Variants in RCSD1 observed in about 807,000 individuals in gnomAD.
RCSD1 encodes the protein capZ-interacting protein.
RCSD1 carries 26 observed loss-of-function variants against 42.5 expected under a neutral mutation model. The observed-to-expected ratio is 0.61, with a 90% CI of 0.45 to 0.85. RCSD1 has a LOEUF of 0.85. Among genes scored for constraint, RCSD1 ranks in the 40% least tolerant of loss-of-function variants. The pLI is 0.00. For synonymous variants in RCSD1, 220 were observed against 212.2 expected (o/e 1.04, Z -0.32); for missense variants, 571 against 528.3 (o/e 1.08, Z -0.79).
chr1:167,697,890 T>C, intron 6 of RCSD1, 48 bp downstream of exon 6: 8 of 1,440,950 alleles, frequency 5.6e-6, no homozygotes, highest in Non-Finnish European at 7.3e-6. Context: ...CCAGGGCCAG[T>C]GTGTGCCTCT....
chr1:167,658,890 TG>T (rs1032073217), intron 1 of RCSD1, among the ~76,000 whole-genome samples: 7 of 152,146 alleles, frequency 4.6e-5, no homozygotes, highest in African/African-American at 1.7e-4. Flanking sequence ...TTTATGTCTA[TG>T]GGGTAGATTC....
intron 1 of RCSD1, among the ~76,000 whole-genome samples, chr1:167,634,766 C>A (rs1657792767): frequency 6.6e-6 from 1 of 152,090 alleles, no homozygotes; most frequent in African/African-American, 2.4e-5. Flanking sequence ...TAAATGAATC[C>A]TTTTCTCTGG....
intron 2 of RCSD1, 63 bp downstream of exon 2, chr1:167,684,064 C>G: frequency 7.2e-7 from 1 of 1,379,330 alleles, no homozygotes; most frequent in South Asian, 1.2e-5. Flanking sequence ...GAAATCTGGT[C>G]AGGCCCAGCG....
rs757806529 is a variant in RCSD1, at chr1:167,697,408, G to T, written c.784G>T (p.Glu262Ter). 7 of 1,613,226 alleles carry T rather than the reference G, an allele frequency of 4.3e-6. No individual in the cohort carries two copies. Among genetic ancestry groups the T allele is most frequent in the Non-Finnish European group, 5.9e-6 (7 of 1,179,678 alleles). Residue 262 changes from glutamate (E) to a stop codon, truncating the protein, a stop_gained, in exon 6 of 7, where the codon GAA (glutamate) becomes TAA (stop). Coordinates refer to ENST00000367854, the MANE Select transcript of RCSD1 (RefSeq NM_052862.4). LOFTEE classifies it high-confidence loss of function. ...GGCCACAGAGGAAGCCAAGAACGGTGAAAAGGCCAGGCGGAGTTCAGAGGA... is the reference window on the plus strand; with the variant it reads ...GGCCACAGAGGAAGCCAAGAACGGTTAAAAGGCCAGGCGGAGTTCAGAGGA... ...DRATEEAKNG[E>*]KARRSSEEVD...
At chr1:167,677,408 G>A (rs956851022) in intron 1 of RCSD1, among the ~76,000 whole-genome samples, 2 of 152,220 alleles carry the variant, frequency 1.3e-5, no homozygotes, top group South Asian at 2.1e-4. Context: ...TCTGAGACAG[G>A]TCTTTATTCA....
chr1:167,703,879 C>T (rs967049278), intron 6 of RCSD1, among the ~76,000 whole-genome samples: 3 of 152,166 alleles, frequency 2.0e-5, no homozygotes, highest in African/African-American at 7.2e-5. Context: ...CCAGCCCTCA[C>T]TGGTACCTGG....
intron 1 of RCSD1, among the ~76,000 whole-genome samples, chr1:167,682,249 A>G (rs931308545): frequency 2.0e-5 from 3 of 149,796 alleles, no homozygotes; most frequent in African/African-American, 7.5e-5. Context: ...GGCTCACTGC[A>G]ACTTCTGCCT....
At chr1:167,657,171 G>C (rs918598097) in intron 1 of RCSD1, among the ~76,000 whole-genome samples, 4 of 152,266 alleles carry the variant, frequency 2.6e-5, no homozygotes, top group Admixed American at 2.6e-4. Context: ...TATAGATGTT[G>C]ATTCCTGTCC....
At chr1:167,661,530 C>T (rs560986609) in intron 1 of RCSD1, among the ~76,000 whole-genome samples, 2 of 152,362 alleles carry the variant, frequency 1.3e-5, no homozygotes, top group South Asian at 4.1e-4. Flanking sequence ...AATCCTGGAT[C>T]CTCTCTGGGT....
chr1:167,694,262 A>C lies in RCSD1; in HGVS notation c.434A>C (p.Asp145Ala). The change falls in exon 5 of 7, where the codon GAC (aspartate) becomes GCC (alanine). Residue 145 changes from aspartate to alanine, a missense_variant. Transcript: ENST00000367854. ...GCAGAGGAGGTGCCTGTCAGCTTCG[A>C]CCAGCCCCCTGAAGGCAGTCATCTG... ...SEAEEVPVSF[D>A]QPPEGSHLPC... 3 of 1,614,146 alleles carry C rather than the reference A, an allele frequency of 1.9e-6. No homozygotes were observed. The highest frequency in any genetic ancestry group is 2.5e-6 in the Non-Finnish European group (3 of 1,180,020).
intron 1 of RCSD1, among the ~76,000 whole-genome samples, chr1:167,642,381 C>T (rs900996003): frequency 5.3e-5 from 8 of 152,134 alleles, no homozygotes; most frequent in Non-Finnish European, 1.2e-4. Context: ...CTTTTGTGGT[C>T]GGAGATGTTC....
chr1:167,685,527 G>T lies in RCSD1; in HGVS notation c.198+17G>T. ...GGTGAGGAGGTAAGTGCTGCTGTTGGGGCTCAGAGGATGCTGTGATGGGTT... is the reference window on the plus strand; with the variant it reads ...GGTGAGGAGGTAAGTGCTGCTGTTGTGGCTCAGAGGATGCTGTGATGGGTT... On this transcript the variant is annotated intron_variant, in intron 3 of 6. Coordinates refer to ENST00000367854, the MANE Select transcript of RCSD1 (RefSeq NM_052862.4). The T allele has an allele frequency of 6.2e-7, 1 of 1,602,590 alleles. No individual in the cohort carries two copies. The highest frequency in any genetic ancestry group is 2.2e-5 in the East Asian group (1 of 44,622).
At chr1:167,647,774 A>G (rs544448570) in intron 1 of RCSD1, among the ~76,000 whole-genome samples, 3 of 152,250 alleles carry the variant, frequency 2.0e-5, no homozygotes, top group Admixed American at 6.5e-5. Context: ...ACCACAACCA[A>G]TAAAAATTCT....
At chr1:167,674,455 T>A (rs900821892) in intron 1 of RCSD1, among the ~76,000 whole-genome samples, 10 of 152,090 alleles carry the variant, frequency 6.6e-5, no homozygotes, top group Admixed American at 2.0e-4. Flanking sequence ...TGACAATTTT[T>A]AAAAATAACA....
intron 6 of RCSD1, 67 bp from the exon 7 acceptor site, chr1:167,704,597 G>T: frequency 1.0e-5 from 13 of 1,303,662 alleles, no homozygotes; most frequent in Non-Finnish European, 1.2e-5. Flanking sequence ...CATCCCCAAG[G>T]AGGGATGCTG....
rs913227279 is a variant in RCSD1 at position 167,705,565 on chromosome 1, G to A, written c.*869G>A. The A allele has an allele frequency of 6.6e-6, 1 of 152,198 alleles. No individual in the cohort carries two copies. Among genetic ancestry groups the A allele is most frequent in the African/African-American group, 2.4e-5 (1 of 41,444 alleles). The allele number at this position is 152,198 out of a possible 1,614,324, so 9.4% of individuals were successfully genotyped here. ...GCTGGCTCTCCGATTGATCCTGTGA[G>A]GATGAATTTGCATTTCCAGAATCCT... On this transcript the variant is annotated 3_prime_UTR_variant, in exon 7 of 7. Transcript: ENST00000367854.
chr1:167,658,751 T>G (rs941975290), intron 1 of RCSD1, among the ~76,000 whole-genome samples: 10 of 152,128 alleles, frequency 6.6e-5, no homozygotes. Context: ...TTTTTAATGG[T>G]TTCCTAATAA....
chr1:167,643,800 G>A (rs73031892), intron 1 of RCSD1, among the ~76,000 whole-genome samples: 1,849 of 152,342 alleles, frequency 0.012, 26 homozygotes, highest in African/African-American at 0.042. Flanking sequence ...TGCTTAGTGC[G>A]TTGCACATAT....
At chr1:167,674,453 T>A (rs1246357014) in intron 1 of RCSD1, among the ~76,000 whole-genome samples, 1 of 147,116 alleles carries the variant, frequency 6.8e-6, no homozygotes, top group Non-Finnish European at 1.5e-5. Context: ...CCTGACAATT[T>A]TTAAAAATAA....
Sources: gnomAD v4.1 joint callset for allele counts (sites outside exome capture counted in the v4.1 genomes callset) on GRCh38, gnomAD v4.1.1 for gene constraint, MANE v1.5 for transcripts, NCBI Gene and HGNC (gene_info 2026-07-23, HGNC 2026-07-21) for gene names.